The following XKRX variants were observed in gnomAD, a reference collection of about 807,000 sequenced individuals.
XKRX encodes XK related X-linked, also known as XK-related protein 2.
In XKRX, 11 loss-of-function variants were observed where a neutral mutation model predicts 22.4. That is an observed-to-expected ratio of 0.49 (90% confidence interval 0.31 to 0.81). XKRX has a LOEUF of 0.81. XKRX is among the 40% of genes least tolerant of loss of function. The probability of loss-of-function intolerance (pLI) is 0.05; values close to 1 mark genes in which losing one functional copy is unlikely to be tolerated. For synonymous variants in XKRX, 114 were observed against 132.2 expected, an observed-to-expected ratio of 0.86 and a Z score of 0.94; for missense variants, 320 against 336.5, an observed-to-expected ratio of 0.95 and a Z score of 0.38.
chrX:100,920,249 A>C (rs1185466422), intron 2 of XKRX, among the ~76,000 whole-genome samples: 1 of 110,563 alleles, frequency 9.0e-6, no homozygotes, highest in Non-Finnish European at 1.9e-5. Context: ...AATTCATATA[A>C]AGGAAATGTA....
At chrX:100,933,982 G>A (rs1215668792), upstream of XKRX, among the ~76,000 whole-genome samples, 6 of 111,078 alleles carry the variant, frequency 5.4e-5, no homozygotes, top group African/African-American at 6.5e-5. Context: ...ACTTAGTGCC[G>A]GAACATTTCA....
chrX:100,903,411 A>G, the XKRX span, among the ~76,000 whole-genome samples: 1 of 112,573 alleles, frequency 8.9e-6, no homozygotes, highest in Non-Finnish European at 1.9e-5. Context: ...ATTAATATAC[A>G]AAAATTAATT....
At chrX:100,944,260 A>G in the XKRX span, among the ~76,000 whole-genome samples, 4 of 112,365 alleles carry the variant, frequency 3.6e-5, no homozygotes, top group Non-Finnish European at 7.5e-5. Context: ...AGAAACAAGA[A>G]AAGGGTGGCA....
At chrX:100,911,721 A>C (rs1338478004), downstream of XKRX, among the ~76,000 whole-genome samples, 1 of 112,299 alleles carries the variant, frequency 8.9e-6, no homozygotes, top group African/African-American at 3.2e-5. Flanking sequence ...CCCCACTACC[A>C]TATTTCACAA....
At chrX:100,934,515 C>G in the XKRX span, among the ~76,000 whole-genome samples, 8 of 111,709 alleles carry the variant, frequency 7.2e-5, no homozygotes, top group Non-Finnish European at 1.5e-4. Context: ...ATGAAGCCCA[C>G]TGACATTATG....
the XKRX span, among the ~76,000 whole-genome samples, chrX:100,896,826 T>A: frequency 9.0e-6 from 1 of 110,927 alleles, no homozygotes; most frequent in South Asian, 3.8e-4. Flanking sequence ...TGACACCCTA[T>A]GTAAAAAAAT....
Position 100,921,824 on chromosome X carries a change from C to CTTTT in XKRX, c.604+965_604+968dup, listed in dbSNP as rs769704465. ...GACTCTCATTAGTATTAACCCCACG[C>CTTTT]TTTTTTTTTTTTTTTTTTTTTTTTT... On this transcript the variant is annotated intron_variant, in intron 2 of 2. Coordinates refer to ENST00000372956, the MANE Select transcript of XKRX (RefSeq NM_212559.3). Among the ~76,000 whole-genome samples the CTTTT allele has an allele frequency of 1.1e-4, 6 of 56,360 alleles. 1 individual carries two copies. Among genetic ancestry groups the CTTTT allele is most frequent in the Admixed American group, 1.9e-4 (1 of 5,289 alleles). The allele number at this position is 56,360 out of a possible 115,157, so 48.9% of individuals were successfully genotyped here.
At chrX:100,957,350 T>C in the XKRX span, 38 of 1,179,498 alleles carry the variant, frequency 3.2e-5, no homozygotes, top group Admixed American at 1.8e-4. Context: ...CGGTTACTGG[T>C]CTTTTCCACC....
chrX:100,934,596 G>A, the XKRX span, among the ~76,000 whole-genome samples: 1 of 111,912 alleles, frequency 8.9e-6, no homozygotes, highest in Non-Finnish European at 1.9e-5. Context: ...CTAGACTGGT[G>A]TGTGACCAAA....
the XKRX span, among the ~76,000 whole-genome samples, chrX:100,889,704 C>T: frequency 9.0e-6 from 1 of 111,546 alleles, no homozygotes; most frequent in Non-Finnish European, 1.9e-5. Context: ...CCTCACAGCC[C>T]CCAAAAGGAA....
chrX:100,917,710 G>T (rs1455571378), intron 2 of XKRX, among the ~76,000 whole-genome samples: 24 of 106,670 alleles, frequency 2.2e-4, no homozygotes, highest in South Asian at 1.3e-3. Flanking sequence ...AAGAAAGAAA[G>T]AAAGAAAGAA....
chrX:100,947,774 T>A, the XKRX span, among the ~76,000 whole-genome samples: 1 of 112,029 alleles, frequency 8.9e-6, no homozygotes, highest in Non-Finnish European at 1.9e-5. Context: ...GTAAAAATAA[T>A]CAGCAGGAAA....
At position 100,914,352 on chromosome X, in the gene XKRX, G is replaced by T; in HGVS notation, c.1336C>A (p.Gln446Lys). 8.3e-7 allele frequency: 1 copy of T among 1,209,672 alleles called. No individual in the cohort carries two copies. Among genetic ancestry groups the T allele is most frequent in the African/African-American group, 1.7e-5 (1 of 57,689 alleles). The change falls in exon 3 of 3, where the codon CAA becomes AAA. Residue 446 changes from glutamine (Q) to lysine (K), a missense_variant. By Grantham distance (53) the Gln-to-Lys change is moderately conservative. Transcript: ENST00000372956. ...AGAAAATAGAATCAGACAACACTTTGCCTTGCTTCAGTCTCAAAGGGTGGC... is the reference window on the plus strand; with the variant it reads ...AGAAAATAGAATCAGACAACACTTTTCCTTGCTTCAGTCTCAAAGGGTGGC... ...SEPPFETEARQSVV is the reference protein window; with the variant it reads ...SEPPFETEARKSVV
At chrX:100,925,328 G>A (rs1002427688) in intron 1 of XKRX, among the ~76,000 whole-genome samples, 1 of 112,165 alleles carries the variant, frequency 8.9e-6, no homozygotes. Context: ...AAGGCACCCA[G>A]ACTCTACAAG....
chrX:100,897,591 A>G, the XKRX span, among the ~76,000 whole-genome samples: 22 of 40,169 alleles, frequency 5.5e-4, 1 homozygote, highest in Non-Finnish European at 9.0e-4. Context: ...ACAAATATAT[A>G]TATGTGTGTG....
At chrX:100,912,032 A>G (rs1400109921), downstream of XKRX, among the ~76,000 whole-genome samples, 1 of 111,636 alleles carries the variant, frequency 9.0e-6, no homozygotes, top group African/African-American at 3.3e-5. Flanking sequence ...TCCTTAGATC[A>G]GTATGTGTCT....
downstream of XKRX, among the ~76,000 whole-genome samples, chrX:100,912,770 G>A (rs1332392034): frequency 8.9e-6 from 1 of 112,021 alleles, no homozygotes; most frequent in African/African-American, 3.2e-5. Flanking sequence ...GAGGTAGCTG[G>A]CTGACATTCC....
the XKRX span, among the ~76,000 whole-genome samples, chrX:100,951,352 C>T: frequency 1.8e-4 from 18 of 102,610 alleles, no homozygotes; most frequent in African/African-American, 6.1e-4. Context: ...GCCCAAACCT[C>T]AGCATCATGC....
chrX:100,898,391 T>G, the XKRX span, among the ~76,000 whole-genome samples: 1 of 109,583 alleles, frequency 9.1e-6, no homozygotes, highest in Admixed American at 9.8e-5. Flanking sequence ...GGCTTGCCTT[T>G]TTTTTTTTCA....
Sources: allele counts gnomAD v4.1 joint callset (sites outside exome capture counted in the v4.1 genomes callset), GRCh38; gene constraint gnomAD v4.1.1; transcripts MANE v1.5; gene names NCBI Gene and HGNC (gene_info 2026-07-23, HGNC 2026-07-21).